Variants in SBF2 observed in about 807,000 individuals in gnomAD.
The protein encoded by SBF2 is myotubularin-related protein 13.
A neutral mutation model predicts 225.2 loss-of-function variants in SBF2; 112 were observed. The observed-to-expected ratio is 0.50, with a 90% CI of 0.43 to 0.58. SBF2 has a LOEUF of 0.58. Ranked by LOEUF, SBF2 falls within the 20% of genes least tolerant of loss-of-function variation. SBF2 has a pLI of 0.00. For synonymous variants in SBF2, 763 were observed against 773.3 expected (o/e 0.99, Z 0.22); for missense variants, 1,996 against 2,206.2 (o/e 0.90, Z 1.91).
chr11:9,858,140 G>C (rs1857453217), intron 18 of SBF2, 86 bp downstream of exon 18: 5 of 1,472,308 alleles, frequency 3.4e-6, no homozygotes, highest in African/African-American at 1.4e-5. Flanking sequence ...GAAGTAGCTA[G>C]AGTTTTTTTT....
At chr11:9,953,648 T>C (rs982826003) in intron 16 of SBF2, among the ~76,000 whole-genome samples, 3 of 152,174 alleles carry the variant, frequency 2.0e-5, no homozygotes, top group Non-Finnish European at 4.4e-5. Flanking sequence ...CCAAGACTTA[T>C]AGAGGCCAAG....
intron 2 of SBF2, among the ~76,000 whole-genome samples, chr11:10,129,378 C>T (rs1335380771): frequency 6.6e-6 from 1 of 152,142 alleles, no homozygotes; most frequent in African/African-American, 2.4e-5. Flanking sequence ...GCTGGGATTA[C>T]AGGCATGAGC....
chr11:10,044,806 A>G (rs1294181647), intron 2 of SBF2, among the ~76,000 whole-genome samples: 2 of 152,178 alleles, frequency 1.3e-5, no homozygotes, highest in African/African-American at 4.8e-5. Context: ...CTCCCTTGCG[A>G]ATTGTGCATC....
chr11:9,972,043 C>T (rs1049590210), intron 13 of SBF2, among the ~76,000 whole-genome samples: 2 of 152,118 alleles, frequency 1.3e-5, no homozygotes, highest in African/African-American at 4.8e-5. Flanking sequence ...GGTAGTATAA[C>T]AAAGTATTTT....
intron 2 of SBF2, among the ~76,000 whole-genome samples, chr11:10,150,300 C>T (rs1463965718): frequency 6.6e-6 from 1 of 152,058 alleles, no homozygotes; most frequent in African/African-American, 2.4e-5. Context: ...TCAAATATTT[C>T]GTTGTCATTC....
At chr11:9,951,640 T>C (rs1865867545) in intron 16 of SBF2, among the ~76,000 whole-genome samples, 2 of 152,206 alleles carry the variant, frequency 1.3e-5, no homozygotes, top group Admixed American at 1.3e-4. Flanking sequence ...TTTCTTTAAG[T>C]CTATTTCCAG....
chr11:10,170,310 C>T (rs1408614648), intron 2 of SBF2, among the ~76,000 whole-genome samples: 4 of 152,004 alleles, frequency 2.6e-5, no homozygotes, highest in East Asian at 3.9e-4. Context: ...TTTTTTATGG[C>T]GAGAAAGAGG....
At chr11:10,296,905 T>G (rs189498667), upstream of SBF2, among the ~76,000 whole-genome samples, 63 of 152,328 alleles carry the variant, frequency 4.1e-4, no homozygotes, top group African/African-American at 1.4e-3. Context: ...GCTATCTTAG[T>G]GTGAAGTGAT....
chr11:10,231,819 C>T (rs1250956791), intron 1 of SBF2, among the ~76,000 whole-genome samples: 1 of 152,208 alleles, frequency 6.6e-6, no homozygotes, highest in Non-Finnish European at 1.5e-5. Context: ...GGGAGAACCA[C>T]TACTCTCTTC....
intron 3 of SBF2, among the ~76,000 whole-genome samples, chr11:10,039,932 CA>C (rs374593215): frequency 4.4e-4 from 63 of 144,450 alleles, no homozygotes; most frequent in African/African-American, 1.1e-3. Flanking sequence ...ATATTATTGA[CA>C]AAAAAAAAAC....
chr11:9,845,014 TA>T (rs1856438809), intron 24 of SBF2, among the ~76,000 whole-genome samples: 3 of 152,156 alleles, frequency 2.0e-5, no homozygotes, highest in Non-Finnish European at 4.4e-5. Flanking sequence ...ATCTTATATC[TA>T]ACTCAAATGG....
chr11:10,000,728 T>A (rs1947919210), intron 8 of SBF2, among the ~76,000 whole-genome samples, 186 bp downstream of exon 8: 1 of 152,196 alleles, frequency 6.6e-6, no homozygotes, highest in Non-Finnish European at 1.5e-5. Context: ...TTATAAAACC[T>A]CCTATACTTG....
At chr11:10,156,899 C>T (rs1480758825) in intron 2 of SBF2, among the ~76,000 whole-genome samples, 1 of 152,152 alleles carries the variant, frequency 6.6e-6, no homozygotes, top group African/African-American at 2.4e-5. Context: ...ATATTCTCCA[C>T]AGAACTAGAA....
At chr11:9,882,105 T>C (rs891440892) in intron 17 of SBF2, among the ~76,000 whole-genome samples, 3 of 152,206 alleles carry the variant, frequency 2.0e-5, no homozygotes, top group Admixed American at 6.5e-5. Flanking sequence ...GGAAAACAGT[T>C]ACTTAGTAAA....
chr11:9,856,123 C>T (rs1199751382), intron 19 of SBF2, among the ~76,000 whole-genome samples: 1 of 152,190 alleles, frequency 6.6e-6, no homozygotes, highest in East Asian at 1.9e-4. Flanking sequence ...GAGAAACAAA[C>T]AGCCACTTTT....
intron 2 of SBF2, among the ~76,000 whole-genome samples, chr11:10,144,045 A>G (rs1443690893): frequency 6.6e-6 from 1 of 152,200 alleles, no homozygotes; most frequent in African/African-American, 2.4e-5. Flanking sequence ...ACAAATGCAT[A>G]GAGATATGTA....
intron 6 of SBF2, among the ~76,000 whole-genome samples, chr11:10,010,113 TTTGAGTTCC>T (rs1312466575): frequency 6.6e-6 from 1 of 152,188 alleles, no homozygotes; most frequent in Non-Finnish European, 1.5e-5. Flanking sequence ...TTCTTGTAAA[TTTGAGTTCC>T]TTGTAGATTC....
At chr11:9,847,984 G>A (rs1323713772) in intron 22 of SBF2, among the ~76,000 whole-genome samples, 1 of 151,602 alleles carries the variant, frequency 6.6e-6, no homozygotes, top group East Asian at 1.9e-4. Context: ...TAAAGGAAGT[G>A]TAGAATCTGG....
chr11:10,251,465 G>A (rs1348257310), intron 1 of SBF2, among the ~76,000 whole-genome samples: 2 of 152,230 alleles, frequency 1.3e-5, no homozygotes, highest in Non-Finnish European at 2.9e-5. Flanking sequence ...TACCTGTGCA[G>A]CTACTGACAC....
Sources: allele counts gnomAD v4.1 joint callset (sites outside exome capture counted in the v4.1 genomes callset), GRCh38; gene constraint gnomAD v4.1.1; transcripts MANE v1.5; gene names NCBI Gene and HGNC (gene_info 2026-07-23, HGNC 2026-07-21).